The following AMPD3 variants were observed in gnomAD, a reference collection of about 807,000 sequenced individuals.
AMPD3 encodes adenosine monophosphate deaminase 3.
A neutral mutation model predicts 82.3 loss-of-function variants in AMPD3; 57 were observed. The ratio of observed to expected loss-of-function variants is 0.69; its 90% CI spans 0.56 to 0.86. AMPD3 has a LOEUF of 0.86. Among genes scored for constraint, AMPD3 ranks in the 40% least tolerant of loss-of-function variants. AMPD3 has a pLI of 0.00. For missense variants in AMPD3, 870 were observed against 1,003.8 expected (o/e 0.87, Z 1.80); for synonymous variants, 381 against 394.7 (o/e 0.97, Z 0.41).
chr11:10,496,976 G>T, intron 10 of AMPD3, 38 bp downstream of exon 10: 1 of 1,609,640 alleles, frequency 6.2e-7, no homozygotes, highest in Middle Eastern at 1.7e-4. Context: ...GCTCATAGCG[G>T]CAGAGGCAGG....
chr11:10,479,028 T>C (rs1456187907), intron 3 of AMPD3, among the ~76,000 whole-genome samples: 1 of 152,142 alleles, frequency 6.6e-6, no homozygotes, highest in African/African-American at 2.4e-5. Context: ...TTGGTCCCTG[T>C]AGCCTGTTGA....
chr11:10,480,054 T>C (rs543114581), intron 3 of AMPD3: 136 of 810,122 alleles, frequency 1.7e-4, no homozygotes, highest in Non-Finnish European at 2.0e-4. Flanking sequence ...TAGCATATAA[T>C]AGCTTCTTTC....
chr11:10,456,342 A>G lies in AMPD3; in HGVS notation c.-6+894A>G. The G allele has an allele frequency of 6.2e-7, 1 of 1,613,156 alleles. No individual in the cohort carries two copies. The highest frequency in any genetic ancestry group is 8.5e-7 in the Non-Finnish European group (1 of 1,179,334). The stretch of plus-strand genomic sequence containing the variant: ...CTGAGCCTCCTGGGTGGCAGGCAGC[A>G]CCTCACCCGGGTGCATCACTTGAGT... On this transcript the variant is annotated intron_variant, in intron 1 of 14. Coordinates refer to ENST00000396553, the MANE Select transcript of AMPD3 (RefSeq NM_001025389.2). The surrounding 1 kb of genome is among the most constrained non-coding windows in gnomAD (Gnocchi z 4.3).
chr11:10,495,640 G>T lies in AMPD3; in HGVS notation c.1337G>T (p.Ser446Ile). ...CCACGGCTCTCCATCTACGGCCGCA[G>T]TCCTGAGGAGTGGCCCAACCTGGCC... ...SEPRLSIYGR[S>I]PEEWPNLAYW... The change falls in exon 9 of 15, where the codon AGT becomes ATT. Residue 446 changes from serine to isoleucine, a missense_variant. Transcript: ENST00000396553. The T allele has an allele frequency of 1.2e-6, 2 of 1,614,062 alleles. No homozygotes were observed. Among genetic ancestry groups the T allele is most frequent in the African/African-American group, 1.3e-5 (1 of 75,042 alleles).
chr11:10,486,932 C>G, intron 5 of AMPD3: 2 of 985,410 alleles, frequency 2.0e-6, no homozygotes, highest in Middle Eastern at 5.2e-4. Flanking sequence ...CTGATATTTA[C>G]TCATGGGAAA....
At chr11:10,485,726 G>A (rs1849048234) in intron 5 of AMPD3, among the ~76,000 whole-genome samples, 1 of 152,102 alleles carries the variant, frequency 6.6e-6, no homozygotes, top group Non-Finnish European at 1.5e-5. Context: ...TGAGTTTTCT[G>A]GGTTTCTGGA....
At chr11:10,457,098 C>T (rs528389954) in intron 1 of AMPD3, among the ~76,000 whole-genome samples, 1 of 151,786 alleles carries the variant, frequency 6.6e-6, no homozygotes, top group East Asian at 1.9e-4. Context: ...CCAACTCAGC[C>T]TTCCAAATAG....
chr11:10,450,401 G>C, upstream of AMPD3: 1 of 984,494 alleles, frequency 1.0e-6, no homozygotes, highest in Non-Finnish European at 1.2e-6. Context: ...AGGACGCCTG[G>C]AAGAAACCAA....
At chr11:10,470,018 C>T (rs1464816127) in intron 2 of AMPD3, among the ~76,000 whole-genome samples, 29 of 142,872 alleles carry the variant, frequency 2.0e-4, no homozygotes, top group African/African-American at 6.0e-4. Flanking sequence ...CCAGCCTGGG[C>T]GACAGAGCGA....
Position 10,505,943 on chromosome 11 carries a change from A to G in AMPD3, c.*59A>G. ...TTCAATTTCAAGTCTGCTGTGGCTAATAGTGGTCAAGATTCCGAACTAGGA... is the reference window on the plus strand; with the variant it reads ...TTCAATTTCAAGTCTGCTGTGGCTAGTAGTGGTCAAGATTCCGAACTAGGA... On this transcript the variant is annotated 3_prime_UTR_variant, in exon 15 of 15. Transcript: ENST00000396553. The G allele has an allele frequency of 6.3e-7, 1 of 1,595,038 alleles. No individual in the cohort carries two copies. Among genetic ancestry groups the G allele is most frequent in the East Asian group, 2.2e-5 (1 of 44,814 alleles).
At chr11:10,460,171 C>T (rs1848225332) in intron 1 of AMPD3, among the ~76,000 whole-genome samples, 1 of 150,938 alleles carries the variant, frequency 6.6e-6, no homozygotes, top group Non-Finnish European at 1.5e-5. Context: ...GATCATAACT[C>T]ACTGCAGCCT....
intron 2 of AMPD3, among the ~76,000 whole-genome samples, chr11:10,470,589 CT>C (rs1460250129): frequency 2.6e-5 from 4 of 152,190 alleles, no homozygotes; most frequent in South Asian, 2.1e-4. Context: ...CCCAAATCTC[CT>C]TAAGCTGATA....
At chr11:10,478,792 C>T in intron 3 of AMPD3, 62 bp downstream of exon 3, 2 of 1,559,162 alleles carry the variant, frequency 1.3e-6, no homozygotes, top group Non-Finnish European at 1.7e-6. Flanking sequence ...CCCCATGGGC[C>T]ACAGGGTCGT....
At chr11:10,470,032 T>C in intron 2 of AMPD3, among the ~76,000 whole-genome samples, 2 of 120,230 alleles carry the variant, frequency 1.7e-5, no homozygotes, top group Non-Finnish European at 1.7e-5. Flanking sequence ...AGAGCGAGAC[T>C]CCGTCTCAAA....
intron 6 of AMPD3, among the ~76,000 whole-genome samples, chr11:10,488,914 T>C (rs1849159411): frequency 6.6e-6 from 1 of 152,120 alleles, no homozygotes; most frequent in Non-Finnish European, 1.5e-5. Context: ...ATATCAGCAA[T>C]GCAGATGGAA....
rs1848091991 is a variant in AMPD3 at position 10,456,307 on chromosome 11, A to C, written c.-6+859A>C. 1.2e-6 allele frequency: 2 copies of C among 1,607,108 alleles called. No individual in the cohort carries two copies. The highest frequency in any genetic ancestry group is 2.7e-5 in the African/African-American group (2 of 74,792). On this transcript the variant is annotated intron_variant, in intron 1 of 14. Transcript: ENST00000396553. This position sits in a 1 kb window ranked among gnomAD's most constrained non-coding sequence, Gnocchi z 4.3. ...AGGACCCAGCCAGCTGCACGCACGCACTGACTCAGCTGAGCCTCCTGGGTG... is the reference window on the plus strand; with the variant it reads ...AGGACCCAGCCAGCTGCACGCACGCCCTGACTCAGCTGAGCCTCCTGGGTG...
intron 1 of AMPD3, chr11:10,455,911 G>T: frequency 2.0e-6 from 2 of 985,430 alleles, no homozygotes; most frequent in Non-Finnish European, 2.4e-6. Context: ...AGCACGTTCA[G>T]AACGGAAGCA....
intron 3 of AMPD3, 108 bp downstream of exon 3, chr11:10,478,838 C>T (rs1564846019): frequency 1.6e-6 from 2 of 1,241,814 alleles, no homozygotes; most frequent in East Asian, 2.5e-5. Context: ...CCGTGGATGT[C>T]TGGGAGAAGG....
chr11:10,462,855 A>G (rs991582589), intron 2 of AMPD3, among the ~76,000 whole-genome samples: 1 of 152,218 alleles, frequency 6.6e-6, no homozygotes, highest in Non-Finnish European at 1.5e-5. Flanking sequence ...GGCCTTCCAG[A>G]TAGAAGAATC....
Sources: allele counts gnomAD v4.1 joint callset (sites outside exome capture counted in the v4.1 genomes callset), GRCh38; gene constraint gnomAD v4.1.1; non-coding constraint Gnocchi (gnomAD v3.1); transcripts MANE v1.5; gene names NCBI Gene and HGNC (gene_info 2026-07-23, HGNC 2026-07-21).